Variants in NCOR2 observed in about 807,000 individuals in gnomAD.
The protein encoded by NCOR2 is CTG repeat protein 26.
NCOR2 carries 81 observed loss-of-function variants against 262.9 expected under a neutral mutation model. That is an observed-to-expected ratio of 0.31 (90% CI 0.26 to 0.37). NCOR2 has a LOEUF of 0.37. NCOR2 is among the 10% of genes least tolerant of loss of function. The pLI, the probability that NCOR2 is intolerant of heterozygous loss-of-function variation, is 1.00. For synonymous variants in NCOR2, 1,659 were observed against 1,559.3 expected (o/e 1.06, Z -1.51); for missense variants, 3,385 against 3,621.4 (o/e 0.93, Z 1.68).
chr12:124,431,345 C>T (rs1045339882), intron 8 of NCOR2, among the ~76,000 whole-genome samples: 1 of 150,594 alleles, frequency 6.6e-6, no homozygotes, highest in African/African-American at 2.5e-5. Flanking sequence ...CCACACGGTA[C>T]ACACACAGTA....
chr12:124,373,391 C>G (rs574825048), intron 19 of NCOR2, among the ~76,000 whole-genome samples: 1 of 118,250 alleles, frequency 8.5e-6, no homozygotes, highest in African/African-American at 3.1e-5. Context: ...TGCAGGGGCC[C>G]CGGGCACAGT....
At chr12:124,438,555 C>T (rs11832969) in intron 7 of NCOR2, among the ~76,000 whole-genome samples, 1 of 139,898 alleles carries the variant, frequency 7.1e-6, no homozygotes, top group Non-Finnish European at 1.6e-5. Flanking sequence ...AGGAAACCCC[C>T]GGGCGGGGGC....
In NCOR2 at chr12:124,391,502, C is replaced by CG. The variant is rs5801549; in HGVS notation, c.1877-5616dup. ...TCATTTCAGAAACCCCAAGCCCTGG[C>CG]GGGGGGGGGGTTCCACAGGGACGGT... is the stretch of plus-strand genomic sequence containing the variant. On this transcript the variant is annotated intron_variant, in intron 16 of 46. Transcript: ENST00000405201. Among the ~76,000 whole-genome samples the CG allele has an allele frequency of 1.5e-3, 225 of 148,782 alleles. 1 individual carries two copies. The highest frequency in any genetic ancestry group is 4.0e-3 in the African/African-American group (162 of 40,576).
Position 124,402,389 on chromosome 12 carries a change from A to G in NCOR2, c.1640+15T>C, listed in dbSNP as rs1394578992. ...TCAGCGGCCGGGCCCTGCAGGGGAC[A>G]GCAGGCTGCCTTACTTGAGGAGGTC... is the stretch of plus-strand genomic sequence containing the variant. On this transcript the variant is annotated intron_variant, in intron 14 of 46. Coordinates refer to ENST00000405201, the Ensembl canonical transcript of NCOR2. 6.2e-7 allele frequency: 1 copy of G among 1,613,936 alleles called. No homozygotes were observed. The highest frequency in any genetic ancestry group is 8.5e-7 in the Non-Finnish European group (1 of 1,179,836).
chr12:124,430,778 A>G, exon 9 of NCOR2: 1 of 1,609,910 alleles, frequency 6.2e-7, no homozygotes, highest in Non-Finnish European at 8.5e-7. Context: ...CGCTGGCAGA[A>G]CTTCTGCTCC....
intron 1 of NCOR2, among the ~76,000 whole-genome samples, chr12:124,525,055 G>A (rs1167490833): frequency 6.6e-6 from 1 of 152,220 alleles, no homozygotes; most frequent in African/African-American, 2.4e-5. Flanking sequence ...CATTAAATTT[G>A]ACTTCTGCCT....
At chr12:124,445,380 ACACC>A (rs781402954) in intron 7 of NCOR2, among the ~76,000 whole-genome samples, 1 of 152,144 alleles carries the variant, frequency 6.6e-6, no homozygotes, top group Non-Finnish European at 1.5e-5. Context: ...GCAGCAGGGG[ACACC>A]AGCAGCGCCC....
chr12:124,452,594 A>G lies in NCOR2; in HGVS notation c.763-2727T>C, dbSNP rs180721999. 5.9e-3 allele frequency among the ~76,000 whole-genome samples: 904 copies of G among 152,364 alleles called. 8 individuals carry two copies. The highest frequency in any genetic ancestry group is 7.1e-3 in the Non-Finnish European group (481 of 68,034). ...CTTGTTTTGGTTTTAAAGATAGCAA[A>G]CAGCCGAAGGGGGCCAGAAAGGGGC... On this transcript the variant is annotated intron_variant, in intron 6 of 46. Transcript: ENST00000405201.
intron 1 of NCOR2, among the ~76,000 whole-genome samples, chr12:124,516,617 A>G (rs990288061): frequency 9.2e-5 from 14 of 152,238 alleles, no homozygotes; most frequent in African/African-American, 3.1e-4. Context: ...CCCGAGACAC[A>G]CCGGCAGGCT....
At chr12:124,330,755 G>C in intron 44 of NCOR2, 90 bp downstream of exon 46, 2 of 1,410,132 alleles carry the variant, frequency 1.4e-6, no homozygotes, top group South Asian at 2.5e-5. Context: ...ACTAGCGAAG[G>C]CTCCTCGTCC....
intron 1 of NCOR2, among the ~76,000 whole-genome samples, chr12:124,551,853 T>C (rs1353997128): frequency 6.6e-6 from 1 of 152,064 alleles, no homozygotes; most frequent in East Asian, 1.9e-4. Flanking sequence ...GTTCTGAGAA[T>C]CCGGAACACC....
At chr12:124,501,000 C>T (rs1056073189) in intron 1 of NCOR2, among the ~76,000 whole-genome samples, 41 of 151,890 alleles carry the variant, frequency 2.7e-4, no homozygotes, top group Non-Finnish European at 5.0e-4. Context: ...GGGGGAGCCT[C>T]GGGATTAAAA....
In NCOR2 at chr12:124,331,063, C is replaced by CT. The variant is rs747884076; in HGVS notation, c.6905-166dup. On this transcript the variant is annotated intron_variant, in intron 43 of 46. Coordinates refer to ENST00000405201, the Ensembl canonical transcript of NCOR2. The stretch of plus-strand genomic sequence containing the variant: ...GGGACAGGGCCAAGCGTCTGCATTT[C>CT]TTTTTTTTTTTTTTTTTGAGATAGA... Among the ~76,000 whole-genome samples the CT allele has an allele frequency of 3.3e-3, 454 of 135,684 alleles. 9 individuals carry two copies. The highest frequency in any genetic ancestry group is 0.027 in the South Asian group (113 of 4,232). 89.0% of individuals were successfully genotyped at this position (135,684 alleles called of 152,430 possible).
intron 22 of NCOR2, among the ~76,000 whole-genome samples, chr12:124,357,484 T>C (rs922614397): frequency 3.3e-5 from 5 of 152,150 alleles, no homozygotes; most frequent in African/African-American, 1.2e-4. Context: ...TTTGTAGAGA[T>C]GAGGTCTTGT....
At chr12:124,358,539 C>T (rs1261613181) in intron 22 of NCOR2, among the ~76,000 whole-genome samples, 1 of 152,156 alleles carries the variant, frequency 6.6e-6, no homozygotes, top group African/African-American at 2.4e-5. Context: ...GCACTGTGCT[C>T]AGCATCCCAC....
At chr12:124,368,413 A>C (rs2039211762) in intron 20 of NCOR2, among the ~76,000 whole-genome samples, 1 of 152,038 alleles carries the variant, frequency 6.6e-6, no homozygotes, top group African/African-American at 2.4e-5. Flanking sequence ...CCTTGCCACC[A>C]TCCTAGGGCT....
At chr12:124,488,157 AAG>A (rs1465473846) in intron 1 of NCOR2, among the ~76,000 whole-genome samples, 1 of 152,136 alleles carries the variant, frequency 6.6e-6, no homozygotes, top group Admixed American at 6.5e-5. Flanking sequence ...TATTTTTGCA[AAG>A]AGAATCAGAG....
intron 24 of NCOR2, 24 bp downstream of exon 26, chr12:124,355,408 A>G (rs1167695116): frequency 2.5e-6 from 4 of 1,611,998 alleles, no homozygotes; most frequent in Non-Finnish European, 2.5e-6. Flanking sequence ...CTAAGCCCCC[A>G]AGAAAGGAAG....
rs531386811 is a variant in NCOR2 at position 124,414,902 on chromosome 12, G to C, written c.1482+5055C>G. Among the ~76,000 whole-genome samples, 5 of 152,222 alleles carry C rather than the reference G, an allele frequency of 3.3e-5. No homozygotes were observed. In the East Asian group the frequency reaches 7.7e-4, roughly 24 times the overall value. On this transcript the variant is annotated intron_variant, in intron 13 of 46. Coordinates refer to ENST00000405201, the Ensembl canonical transcript of NCOR2. ...TCCTGGGGCAGCTGTGAGGGGAGTG[G>C]GGCTGGGCAGGGGCTCGTGTGCTCC...
Sources: gnomAD v4.1 joint callset for allele counts (sites outside exome capture counted in the v4.1 genomes callset) on GRCh38, gnomAD v4.1.1 for gene constraint, MANE v1.5 for transcripts, NCBI Gene and HGNC (gene_info 2026-07-23, HGNC 2026-07-21) for gene names.